Variants in UBE2B observed in about 807,000 individuals in gnomAD.
The protein encoded by UBE2B is ubiquitin conjugating enzyme E2 B, also known as ubiquitin-conjugating enzyme E2 B.
Under a neutral mutation model 24.6 loss-of-function variants are expected in UBE2B, and 11 were observed. The ratio of observed to expected loss-of-function variants is 0.45; its 90% CI spans 0.28 to 0.74. The LOEUF (loss-of-function observed/expected upper bound fraction) is 0.74. UBE2B is among the 30% of genes least tolerant of loss of function. UBE2B has a pLI of 0.13. For synonymous variants in UBE2B, 68 were observed against 62.4 expected (o/e 1.09, Z -0.42); for missense variants, 78 against 185.6 (o/e 0.42, Z 3.37).
At chr5:134,371,682 T>C in intron 1 of UBE2B, 43 bp downstream of exon 1, 2 of 1,612,184 alleles carry the variant, frequency 1.2e-6, no homozygotes, top group Non-Finnish European at 1.7e-6. Context: ...CCCTCAAAGC[T>C]GCGGGGCTGC....
chr5:134,389,543 T>C (rs375198127), intron 5 of UBE2B, among the ~76,000 whole-genome samples: 2 of 151,132 alleles, frequency 1.3e-5, no homozygotes, highest in Admixed American at 6.6e-5. Context: ...TTTTTTCTTT[T>C]CTTTTTTCTT....
At chr5:134,372,291 C>G (rs1444369730) in intron 1 of UBE2B, among the ~76,000 whole-genome samples, 1 of 152,196 alleles carries the variant, frequency 6.6e-6, no homozygotes, top group East Asian at 1.9e-4. Context: ...TCAGCTCTGG[C>G]TGGTGAAGAA....
At position 134,378,198 on chromosome 5, in the gene UBE2B, CTTAAT is replaced by C. The variant is rs1230817832; in HGVS notation, c.151+1509_151+1513del. ...AAAAGTTACCAATTTTTCTTAATTT[CTTAAT>C]TTAAAGACATTTTTATTAGTATTAG... On this transcript the variant is annotated intron_variant, in intron 3 of 5. Transcript: ENST00000265339. Among the ~76,000 whole-genome samples the C allele has an allele frequency of 2.0e-5, 3 of 152,126 alleles. No homozygotes were observed. The East Asian group carries it at 5.8e-4, about 29-fold the overall frequency.
chr5:134,380,660 G>T, intron 3 of UBE2B, 59 bp from the exon 4 acceptor site: 1 of 995,206 alleles, frequency 1.0e-6, no homozygotes. Context: ...GTTGAGAACT[G>T]ATGAAGAGAT....
intron 1 of UBE2B, among the ~76,000 whole-genome samples, chr5:134,373,882 CATT>C (rs1269702942): frequency 2.0e-5 from 3 of 152,178 alleles, no homozygotes; most frequent in Non-Finnish European, 2.9e-5. Flanking sequence ...GCTAGTCTAT[CATT>C]GTTGGACATT....
intron 4 of UBE2B, 197 bp from the exon 5 acceptor site, chr5:134,388,128 T>G: frequency 6.9e-6 from 4 of 583,588 alleles, no homozygotes; most frequent in East Asian, 2.9e-5. Context: ...CAACATGAGA[T>G]TTGGAGGGAA....
Position 134,373,311 on chromosome 5 carries a change from CT to C in UBE2B, c.45-1059del, listed in dbSNP as rs767272568. Among the ~76,000 whole-genome samples, 252 of 141,184 alleles carry C rather than the reference CT, an allele frequency of 1.8e-3. 1 individual carries two copies. Among genetic ancestry groups the C allele is most frequent in the Admixed American group, 2.0e-3 (28 of 14,162 alleles). 92.6% of individuals were successfully genotyped at this position (141,184 alleles called of 152,430 possible). On this transcript the variant is annotated intron_variant, in intron 1 of 5. Coordinates refer to ENST00000265339, the MANE Select transcript of UBE2B (RefSeq NM_003337.4). ...CATTTTGTGTTTACACTGAGGTTTG[CT>C]TTTTTTTTTTTTCTTGTAGCCATTT...
intron 3 of UBE2B, among the ~76,000 whole-genome samples, chr5:134,380,152 C>T (rs1758685626): frequency 6.6e-6 from 1 of 152,194 alleles, no homozygotes; most frequent in Non-Finnish European, 1.5e-5. Flanking sequence ...CTCAGGTGAT[C>T]CGCCCACCTT....
At chr5:134,374,533 G>A in intron 2 of UBE2B, 70 bp downstream of exon 2, 1 of 1,488,804 alleles carries the variant, frequency 6.7e-7, no homozygotes. Context: ...TATAACAACT[G>A]TCTAGGAAAA....
intron 2 of UBE2B, 63 bp from the exon 3 acceptor site, chr5:134,376,606 C>A: frequency 6.4e-7 from 1 of 1,561,434 alleles, no homozygotes; most frequent in East Asian, 2.3e-5. Context: ...CCTTTCCATT[C>A]TTGAAAATCA....
intron 5 of UBE2B, among the ~76,000 whole-genome samples, chr5:134,389,426 A>G (rs1317796345): frequency 1.3e-5 from 2 of 152,348 alleles, no homozygotes; most frequent in East Asian, 3.9e-4. Flanking sequence ...GTTACTGAGA[A>G]TTATTGATAT....
rs776887777 is a variant in UBE2B at position 134,391,942 on chromosome 5, G to A, written c.*1589G>A. ...GATTATGCCATTGCACTCCAGCCTG[G>A]GTGACAGAGCAATACCCTGTCTTTA... On this transcript the variant is annotated 3_prime_UTR_variant, in exon 6 of 6. Coordinates refer to ENST00000265339, the MANE Select transcript of UBE2B (RefSeq NM_003337.4). 2.0e-5 allele frequency: 3 copies of A among 152,190 alleles called. No homozygotes were observed. The highest frequency in any genetic ancestry group is 6.5e-5 in the Admixed American group (1 of 15,268). 9.4% of individuals were successfully genotyped at this position (152,190 alleles called of 1,614,324 possible). A position where few individuals can be genotyped will look rare whatever the true frequency, so the allele number is the denominator to read the frequency against.
chr5:134,390,654 C>A lies in UBE2B; in HGVS notation c.*301C>A. On this transcript the variant is annotated 3_prime_UTR_variant, in exon 6 of 6. Coordinates refer to ENST00000265339, the MANE Select transcript of UBE2B (RefSeq NM_003337.4). This position sits in a 1 kb window ranked among gnomAD's most constrained non-coding sequence, Gnocchi z 4.6. Reference sequence around the variant, plus strand: ...AATATACACATTTTGTAAATCTGTACTTTTTTCAAATATTGAATGCCTTAT... The same window carrying A: ...AATATACACATTTTGTAAATCTGTAATTTTTTCAAATATTGAATGCCTTAT... 4.1e-6 allele frequency: 1 copy of A among 243,674 alleles called. No homozygotes were observed. The highest frequency in any genetic ancestry group is 5.4e-5 in the South Asian group (1 of 18,356). 15.1% of individuals were successfully genotyped at this position (243,674 alleles called of 1,614,324 possible).
In UBE2B at chr5:134,379,641, C is replaced by T. The variant is rs112689532; in HGVS notation, c.152-1078C>T. 7.6e-3 allele frequency among the ~76,000 whole-genome samples: 917 copies of T among 120,594 alleles called. 11 individuals carry two copies. The highest frequency in any genetic ancestry group is 0.031 in the African/African-American group (877 of 28,408). 79.1% of individuals were successfully genotyped at this position (120,594 alleles called of 152,430 possible). A position where few individuals can be genotyped will look rare whatever the true frequency, so the allele number is the denominator to read the frequency against. The stretch of plus-strand genomic sequence containing the variant: ...AGCCTGGGCAACAGTGAGACTCTGT[C>T]TCAACAAAAAAAAAAAAAAAAAAGG... On this transcript the variant is annotated intron_variant, in intron 3 of 5. Transcript: ENST00000265339.
chr5:134,382,325 C>A (rs1758721723), intron 4 of UBE2B, among the ~76,000 whole-genome samples: 1 of 151,892 alleles, frequency 6.6e-6, no homozygotes, highest in South Asian at 2.1e-4. Flanking sequence ...TGGTGGCGCA[C>A]ACCTGTAGTC....
intron 4 of UBE2B, among the ~76,000 whole-genome samples, chr5:134,386,523 G>A (rs547842783): frequency 6.6e-5 from 10 of 151,546 alleles, no homozygotes; most frequent in African/African-American, 2.2e-4. Flanking sequence ...TCCCAACTAC[G>A]TGGGAGGCTG....
intron 2 of UBE2B, among the ~76,000 whole-genome samples, chr5:134,376,047 T>C (rs148172838): frequency 9.3e-4 from 141 of 151,246 alleles, no homozygotes; most frequent in African/African-American, 3.2e-3. Context: ...AGAATATACA[T>C]ATGGGCCAGG....
chr5:134,376,630 T>A, intron 2 of UBE2B, 39 bp from the exon 3 acceptor site: 1 of 1,607,560 alleles, frequency 6.2e-7, no homozygotes, highest in African/African-American at 1.3e-5. Flanking sequence ...AAAAGCAGAA[T>A]GAGAAACTTC....
intron 4 of UBE2B, 72 bp downstream of exon 4, chr5:134,380,880 A>G: frequency 9.7e-7 from 1 of 1,033,658 alleles, no homozygotes; most frequent in South Asian, 1.3e-5. Flanking sequence ...TAGCTCTTTC[A>G]CCTTACTTTT....
Sources: gnomAD v4.1 joint callset for allele counts (sites outside exome capture counted in the v4.1 genomes callset) on GRCh38, gnomAD v4.1.1 for gene constraint, Gnocchi (gnomAD v3.1) non-coding constraint, MANE v1.5 for transcripts, NCBI Gene and HGNC (gene_info 2026-07-23, HGNC 2026-07-21) for gene names.